AUTS2: variants seen among roughly 807,000 people sequenced by gnomAD.
AUTS2 encodes activator of transcription and developmental regulator AUTS2.
In AUTS2, 17 loss-of-function variants were observed where a neutral mutation model predicts 112.4. The ratio of observed to expected loss-of-function variants is 0.15; its 90% CI spans 0.10 to 0.23. AUTS2 has a LOEUF of 0.23. Ranked by LOEUF, AUTS2 falls within the 10% of genes least tolerant of loss-of-function variation. AUTS2 has a pLI of 1.00. For missense variants in AUTS2, 1,510 were observed against 1,701.6 expected, an observed-to-expected ratio of 0.89 and a Z score of 1.98; for synonymous variants, 751 against 702.7, an observed-to-expected ratio of 1.07 and a Z score of -1.09.
chr7:70,134,887 T>C (rs974081216), intron 4 of AUTS2, among the ~76,000 whole-genome samples: 2 of 152,124 alleles, frequency 1.3e-5, no homozygotes, highest in African/African-American at 4.8e-5. Flanking sequence ...ATTACTTTTT[T>C]AGTAAGAAGT....
At chr7:70,173,239 A>G (rs1041230293) in intron 4 of AUTS2, among the ~76,000 whole-genome samples, 9 of 151,746 alleles carry the variant, frequency 5.9e-5, no homozygotes, top group African/African-American at 1.9e-4. Context: ...TTAGCCAGGT[A>G]TGGTGGTGGG....
chr7:69,983,977 A>G (rs999777846), intron 2 of AUTS2, among the ~76,000 whole-genome samples: 4 of 152,166 alleles, frequency 2.6e-5, no homozygotes, highest in African/African-American at 7.2e-5. Context: ...CATTTTATCT[A>G]TTGACTCTGA....
intron 1 of AUTS2, among the ~76,000 whole-genome samples, chr7:69,749,214 A>G (rs1787634191): frequency 6.6e-6 from 1 of 152,106 alleles, no homozygotes; most frequent in African/African-American, 2.4e-5. Flanking sequence ...ACAGACTTCT[A>G]TTCCTTTGAG....
intron 4 of AUTS2, among the ~76,000 whole-genome samples, chr7:70,188,242 T>C (rs1809707258): frequency 6.6e-6 from 1 of 152,130 alleles, no homozygotes; most frequent in Non-Finnish European, 1.5e-5. Context: ...TTATTGAGGA[T>C]AGGGTTTTAT....
At chr7:69,660,268 T>C (rs1264029504) in intron 1 of AUTS2, among the ~76,000 whole-genome samples, 1 of 152,240 alleles carries the variant, frequency 6.6e-6, no homozygotes, top group Non-Finnish European at 1.5e-5. Context: ...ACCTATGTGG[T>C]TGGTGCTTCT....
In AUTS2 at chr7:70,792,033, T is replaced by C. The variant is rs967204290; in HGVS notation, c.*1037T>C. On this transcript the variant is annotated 3_prime_UTR_variant, in exon 19 of 19. Transcript: ENST00000342771. ...CTGTACACACTTCCTCGTTTTGTAA[T>C]GAGATTTACTTACACCCAAACAGAT... is the stretch of plus-strand genomic sequence containing the variant. 2.0e-5 allele frequency: 3 copies of C among 152,648 alleles called. No individual in the cohort carries two copies. The highest frequency in any genetic ancestry group is 7.2e-5 in the African/African-American group (3 of 41,462). The allele number at this position is 152,648 out of a possible 1,614,324, so 9.5% of individuals were successfully genotyped here.
intron 2 of AUTS2, among the ~76,000 whole-genome samples, chr7:70,084,059 A>T (rs1006458412): frequency 6.6e-6 from 1 of 152,140 alleles, no homozygotes; most frequent in Non-Finnish European, 1.5e-5. Context: ...TCCCTGGCAA[A>T]AAAACAAAAC....
chr7:70,751,611 T>C (rs1389058037), intron 6 of AUTS2, among the ~76,000 whole-genome samples: 5 of 152,232 alleles, frequency 3.3e-5, no homozygotes, highest in Non-Finnish European at 7.3e-5. Flanking sequence ...GTAGGCGTGC[T>C]GTGTGGTGCA....
At chr7:70,491,694 A>T in intron 5 of AUTS2, among the ~76,000 whole-genome samples, 1 of 151,028 alleles carries the variant, frequency 6.6e-6, no homozygotes, top group Non-Finnish European at 1.5e-5. Context: ...AGCTCACTGC[A>T]ACCTCTGCCT....
chr7:70,768,783 C>CAAAG lies in AUTS2; in HGVS notation c.1734+717_1734+720dup, dbSNP rs577705642. Among the ~76,000 whole-genome samples the CAAAG allele has an allele frequency of 9.3e-5, 14 of 151,226 alleles. No homozygotes were observed. In the South Asian group the frequency reaches 1.7e-3, roughly 18 times the overall value. On this transcript the variant is annotated intron_variant, in intron 10 of 18. Coordinates refer to ENST00000342771, the MANE Select transcript of AUTS2 (RefSeq NM_015570.4). ...TGTAAGACAAGAGCTTATTTTTATTCAAAGACCTTGAATATTTCCATGATA... is the reference window on the plus strand; with the variant it reads ...TGTAAGACAAGAGCTTATTTTTATTCAAAGAAAGACCTTGAATATTTCCATGATA...
At chr7:69,944,110 C>T (rs944520145) in intron 2 of AUTS2, among the ~76,000 whole-genome samples, 1 of 152,112 alleles carries the variant, frequency 6.6e-6, no homozygotes, top group African/African-American at 2.4e-5. Context: ...GTGCAAGTTT[C>T]AAAACCAGGC....
chr7:70,326,144 G>T (rs1293410516), intron 4 of AUTS2, among the ~76,000 whole-genome samples: 1 of 152,064 alleles, frequency 6.6e-6, no homozygotes, highest in Non-Finnish European at 1.5e-5. Context: ...CTTTCCAGGA[G>T]ACTCCCCAGG....
intron 1 of AUTS2, among the ~76,000 whole-genome samples, chr7:69,841,571 C>T (rs1277021705): frequency 6.6e-6 from 1 of 152,108 alleles, no homozygotes; most frequent in African/African-American, 2.4e-5. Flanking sequence ...ACAAATTAAT[C>T]CACACCAGGA....
At chr7:70,126,595 A>G (rs1805982300) in intron 3 of AUTS2, among the ~76,000 whole-genome samples, 1 of 152,164 alleles carries the variant, frequency 6.6e-6, no homozygotes, top group Non-Finnish European at 1.5e-5. Flanking sequence ...TAGTTAATAA[A>G]TGTTTATGAT....
At chr7:70,350,836 G>T (rs1169218697) in intron 4 of AUTS2, among the ~76,000 whole-genome samples, 1 of 152,026 alleles carries the variant, frequency 6.6e-6, no homozygotes, top group Non-Finnish European at 1.5e-5. Flanking sequence ...AGACTTAACT[G>T]CAAGTTTCTG....
intron 2 of AUTS2, among the ~76,000 whole-genome samples, chr7:69,946,580 ACACACACACACACACACACACACACACG>A (rs1161427797): frequency 5.9e-4 from 64 of 107,776 alleles, no homozygotes; most frequent in Admixed American, 7.3e-4. Context: ...ACACACACAC[ACACACACACACACACACACACACACACG>A]CACGCACACA....
chr7:69,947,087 C>T (rs73429460), intron 2 of AUTS2, among the ~76,000 whole-genome samples: 2,004 of 152,212 alleles, frequency 0.013, 59 homozygotes, highest in African/African-American at 0.046. Flanking sequence ...ACAGATGCTC[C>T]GTACAAAACT....
At chr7:70,023,715 AT>A (rs773451115) in intron 2 of AUTS2, among the ~76,000 whole-genome samples, 12 of 152,224 alleles carry the variant, frequency 7.9e-5, no homozygotes, top group Non-Finnish European at 1.6e-4. Flanking sequence ...TCCAAGTGAA[AT>A]AATAAATATA....
intron 5 of AUTS2, among the ~76,000 whole-genome samples, chr7:70,545,870 T>C (rs1800754507): frequency 6.6e-6 from 1 of 151,314 alleles, no homozygotes; most frequent in African/African-American, 2.4e-5. Flanking sequence ...GTGGGGGGAG[T>C]GGGTAGACAT....
Sources: gnomAD v4.1 joint callset for allele counts (sites outside exome capture counted in the v4.1 genomes callset) on GRCh38, gnomAD v4.1.1 for gene constraint, MANE v1.5 for transcripts, NCBI Gene and HGNC (gene_info 2026-07-23, HGNC 2026-07-21) for gene names.